SSC4D: variants seen among roughly 807,000 people sequenced by gnomAD.
The protein encoded by SSC4D is scavenger receptor cysteine-rich domain-containing group B protein.
Under a neutral mutation model 63.4 loss-of-function variants are expected in SSC4D, and 57 were observed. That is an observed-to-expected ratio of 0.90 (90% CI 0.73 to 1.12). The LOEUF (loss-of-function observed/expected upper bound fraction) is 1.12. Among genes scored for constraint, SSC4D ranks in the 50% most tolerant of loss-of-function variants. The pLI, the probability that SSC4D is intolerant of heterozygous loss-of-function variation, is 0.00. For synonymous variants in SSC4D, 352 were observed against 345.4 expected (o/e 1.02, Z -0.21); for missense variants, 791 against 806.4 (o/e 0.98, Z 0.23).
At chr7:76,409,117 C>G (rs1159082350) in intron 1 of SSC4D, among the ~76,000 whole-genome samples, 1 of 152,126 alleles carries the variant, frequency 6.6e-6, no homozygotes, top group Non-Finnish European at 1.5e-5. Context: ...ACTGCAGACC[C>G]TTGAGGGTGG....
chr7:76,389,850 C>T lies in SSC4D; in HGVS notation c.*209G>A, dbSNP rs1012062692. ...AGCTTTCACTGAATTGGGCTCACAA[C>T]AGTCGATGACAGGCTGAGGTCACGC... On this transcript the variant is annotated 3_prime_UTR_variant, in exon 11 of 11. Transcript: ENST00000275560. 4.6e-5 allele frequency: 29 copies of T among 626,994 alleles called. No individual in the cohort carries two copies. Among genetic ancestry groups the T allele is most frequent in the Non-Finnish European group, 6.6e-5 (24 of 365,608 alleles). The allele number at this position is 626,994 out of a possible 1,614,324, so 38.8% of individuals were successfully genotyped here.
Position 76,390,384 on chromosome 7 carries a change from G to C in SSC4D, c.1412-9C>G. 6.4e-7 allele frequency: 1 copy of C among 1,566,846 alleles called. No homozygotes were observed. The highest frequency in any genetic ancestry group is 8.7e-7 in the Non-Finnish European group (1 of 1,155,096). ...GACCAGACGTAGATGCCCTGTGGGG[G>C]GACAGGGCTGGGTTGGAAGGGGCTG... On this transcript the variant is annotated splice_polypyrimidine_tract_variant and intron_variant, in intron 10 of 10. Coordinates refer to ENST00000275560, the MANE Select transcript of SSC4D (RefSeq NM_080744.2).
chr7:76,389,897 C>A lies in SSC4D; in HGVS notation c.*162G>T. ...ACGCAGTAAGTGGACGGGGGTACAG[C>A]CAGGCTCCCCCAAGCAGGACTGCAC... On this transcript the variant is annotated 3_prime_UTR_variant, in exon 11 of 11. Transcript: ENST00000275560. 1.2e-6 allele frequency: 1 copy of A among 862,258 alleles called. No homozygotes were observed. Among genetic ancestry groups the A allele is most frequent in the South Asian group, 1.7e-5 (1 of 57,306 alleles). 53.4% of individuals were successfully genotyped at this position (862,258 alleles called of 1,614,324 possible).
chr7:76,400,665 T>G, intron 3 of SSC4D, 74 bp from the exon 4 acceptor site: 1 of 1,361,992 alleles, frequency 7.3e-7, no homozygotes, highest in Non-Finnish European at 9.6e-7. Flanking sequence ...AGGATGTCCT[T>G]TTATTTTATT....
intron 2 of SSC4D, among the ~76,000 whole-genome samples, chr7:76,404,013 C>T (rs1804918147): frequency 6.6e-6 from 1 of 152,026 alleles, no homozygotes; most frequent in African/African-American, 2.4e-5. Flanking sequence ...ATCTCTTTTA[C>T]CAGCTGTCTT....
At chr7:76,408,871 G>A (rs951189732) in intron 1 of SSC4D, among the ~76,000 whole-genome samples, 8 of 152,110 alleles carry the variant, frequency 5.3e-5, no homozygotes, top group Admixed American at 2.0e-4. Context: ...CTACAGTACA[G>A]CCGGCAGCCT....
At chr7:76,391,460 G>T (rs1469517175) in intron 10 of SSC4D, among the ~76,000 whole-genome samples, 1 of 152,120 alleles carries the variant, frequency 6.6e-6, no homozygotes, top group Non-Finnish European at 1.5e-5. Flanking sequence ...AATAAGATGA[G>T]CATCAGTCCA....
At chr7:76,405,339 CTTTTTTTTT>C (rs1193527373) in intron 1 of SSC4D, among the ~76,000 whole-genome samples, 1 of 21,394 alleles carries the variant, frequency 4.7e-5, no homozygotes, top group African/African-American at 2.1e-4. Context: ...TTCTTTCTTT[CTTTTTTTTT>C]TTTTTTTTTT....
chr7:76,400,276 C>T lies in SSC4D; in HGVS notation c.475+10G>A. 1 of 1,457,014 alleles carries T rather than the reference C, an allele frequency of 6.9e-7. No homozygotes were observed. Among genetic ancestry groups the T allele is most frequent in the Non-Finnish European group, 9.1e-7 (1 of 1,099,790 alleles). The allele number at this position is 1,457,014 out of a possible 1,614,324, so 90.3% of individuals were successfully genotyped here. A position where few individuals can be genotyped will look rare whatever the true frequency, so the allele number is the denominator to read the frequency against. On this transcript the variant is annotated intron_variant, in intron 4 of 10. Coordinates refer to ENST00000275560, the MANE Select transcript of SSC4D (RefSeq NM_080744.2). ...CTGTCTGTCCCTCCAGGTCCCAGGG[C>T]TCCACTCACCATCACACAGGACAGC...
At position 76,397,550 on chromosome 7, in the gene SSC4D, C is replaced by T; in HGVS notation, c.836G>A (p.Gly279Asp). 1 of 1,595,606 alleles carries T rather than the reference C, an allele frequency of 6.3e-7. No individual in the cohort carries two copies. Among genetic ancestry groups the T allele is most frequent in the South Asian group, 1.1e-5 (1 of 89,338 alleles). Residue 279 changes from glycine to aspartate, a missense_variant, in exon 6 of 11, where the codon GGC becomes GAC. Physicochemically the swap from Gly to Asp is moderately conservative, Grantham distance 94. Transcript: ENST00000275560. The part of the protein sequence containing the change: ...QSLGWGVHNC[G>D]HHEDAGALCA... ...GAGCGCGCCCGCGTCCTCGTGGTGGCCGCAGTTGTGCACACCCCAGCCCAG... is the reference window on the plus strand; with the variant it reads ...GAGCGCGCCCGCGTCCTCGTGGTGGTCGCAGTTGTGCACACCCCAGCCCAG...
At chr7:76,404,267 A>G in intron 2 of SSC4D, 40 bp downstream of exon 2, 1 of 1,505,030 alleles carries the variant, frequency 6.6e-7, no homozygotes, top group Non-Finnish European at 8.9e-7. Flanking sequence ...ACTGAGATTC[A>G]GAAAGAGGAA....
At chr7:76,391,529 T>C (rs962988750) in intron 10 of SSC4D, among the ~76,000 whole-genome samples, 12 of 152,188 alleles carry the variant, frequency 7.9e-5, no homozygotes, top group Non-Finnish European at 1.2e-4. Context: ...ATCCGCGACG[T>C]GTACTGGGTG....
chr7:76,409,369 ACG>A, intron 1 of SSC4D, 43 bp downstream of exon 1: 1 of 152,288 alleles, frequency 6.6e-6, no homozygotes, highest in Non-Finnish European at 1.5e-5. Flanking sequence ...ATGCATGCAC[ACG>A]CACACACACA....
chr7:76,394,764 TATATAA>T, intron 7 of SSC4D, among the ~76,000 whole-genome samples: 1 of 143,442 alleles, frequency 7.0e-6, no homozygotes, highest in African/African-American at 2.6e-5. Context: ...TATATATATA[TATATAA>T]AATATGTATA....
intron 6 of SSC4D, among the ~76,000 whole-genome samples, chr7:76,396,391 A>G (rs1440314063): frequency 2.0e-5 from 3 of 151,952 alleles, no homozygotes; most frequent in Non-Finnish European, 2.9e-5. Flanking sequence ...TGCATAATCC[A>G]CCCCCTAATT....
intron 2 of SSC4D, among the ~76,000 whole-genome samples, chr7:76,402,597 G>A (rs1451058432): frequency 6.6e-6 from 1 of 152,182 alleles, no homozygotes; most frequent in Non-Finnish European, 1.5e-5. Flanking sequence ...AGAATTACAG[G>A]TGTGAGCCAC....
At chr7:76,398,905 C>T in intron 4 of SSC4D, 108 bp from the exon 5 acceptor site, 1 of 1,091,988 alleles carries the variant, frequency 9.2e-7, no homozygotes, top group Non-Finnish European at 1.4e-6. Flanking sequence ...GCCGCCAGAG[C>T]CTCTGGCCAC....
At chr7:76,405,287 A>G (rs1370657471) in intron 1 of SSC4D, among the ~76,000 whole-genome samples, 1 of 36,870 alleles carries the variant, frequency 2.7e-5, no homozygotes, top group African/African-American at 1.5e-4. Flanking sequence ...ATATATATAT[A>G]TATATATATA....
rs148495314 is a variant in SSC4D at position 76,392,935 on chromosome 7, A to C, written c.1333+470T>G. Among the ~76,000 whole-genome samples, 289 of 152,324 alleles carry C rather than the reference A, an allele frequency of 1.9e-3. 3 individuals carry two copies. The highest frequency in any genetic ancestry group is 6.8e-3 in the African/African-American group (283 of 41,578). On this transcript the variant is annotated intron_variant, in intron 9 of 10. Transcript: ENST00000275560. ...GGGTGAAGATATCAATTCCCACAGCAATCAATGAATTTCACAATGTTCTGC... is the reference window on the plus strand; with the variant it reads ...GGGTGAAGATATCAATTCCCACAGCCATCAATGAATTTCACAATGTTCTGC...
Sources: gnomAD v4.1 joint callset for allele counts (sites outside exome capture counted in the v4.1 genomes callset) on GRCh38, gnomAD v4.1.1 for gene constraint, MANE v1.5 for transcripts, NCBI Gene and HGNC (gene_info 2026-07-23, HGNC 2026-07-21) for gene names.